The following ATF1 variants were observed in gnomAD, a reference collection of about 807,000 sequenced individuals.
ATF1 encodes the protein activating transcription factor 1.
ATF1 carries 16 observed loss-of-function variants against 34.7 expected under a neutral mutation model. That is an observed-to-expected ratio of 0.46 (90% CI 0.31 to 0.70). The LOEUF is 0.70. Ranked by LOEUF, ATF1 falls within the 30% of genes least tolerant of loss-of-function variation. The probability of loss-of-function intolerance (pLI) is 0.05; values close to 1 mark genes in which losing one functional copy is unlikely to be tolerated. For synonymous variants in ATF1, 105 were observed against 113.1 expected, an observed-to-expected ratio of 0.93 and a Z score of 0.46; for missense variants, 255 against 321.6, an observed-to-expected ratio of 0.79 and a Z score of 1.58.
chr12:50,797,827 G>C (rs575723665), intron 3 of ATF1, among the ~76,000 whole-genome samples: 37 of 152,228 alleles, frequency 2.4e-4, no homozygotes, highest in Middle Eastern at 6.8e-3. Flanking sequence ...TGTGCCTACT[G>C]AACAGTCTTT....
At chr12:50,785,379 G>A (rs1285948345) in intron 2 of ATF1, among the ~76,000 whole-genome samples, 2 of 150,096 alleles carry the variant, frequency 1.3e-5, no homozygotes, top group Non-Finnish European at 2.9e-5. Flanking sequence ...GATGGACAAT[G>A]CTGGATGATG....
At chr12:50,780,288 T>A (rs770636828) in intron 2 of ATF1, 50 bp downstream of exon 2, 2 of 1,429,372 alleles carry the variant, frequency 1.4e-6, no homozygotes, top group Admixed American at 3.6e-5. Context: ...ATATTTTATA[T>A]GCAGATTAAT....
At chr12:50,810,632 C>T (rs1405163155) in intron 4 of ATF1, among the ~76,000 whole-genome samples, 1 of 152,144 alleles carries the variant, frequency 6.6e-6, no homozygotes, top group East Asian at 1.9e-4. Context: ...TATAACACCG[C>T]CAATCAAGAT....
intron 3 of ATF1, among the ~76,000 whole-genome samples, chr12:50,802,843 G>GC (rs957480845): frequency 8.7e-6 from 1 of 114,768 alleles, no homozygotes; most frequent in Non-Finnish European, 1.6e-5. Flanking sequence ...CTGTACTCCA[G>GC]CCTGGGTATC....
In ATF1 at chr12:50,820,465, T is replaced by C. The variant is rs1234777434; in HGVS notation, c.*686T>C. 1 of 182,952 alleles carries C rather than the reference T, an allele frequency of 5.5e-6. No homozygotes were observed. The highest frequency in any genetic ancestry group is 2.3e-5 in the African/African-American group (1 of 42,576). 11.3% of individuals were successfully genotyped at this position (182,952 alleles called of 1,614,324 possible). A position where few individuals can be genotyped will look rare whatever the true frequency, so the allele number is the denominator to read the frequency against. ...AATGGAAAAAGAACTGTTTAAAAGT[T>C]TGATACTTTTAAATAGTTGGTTTTT... On this transcript the variant is annotated 3_prime_UTR_variant, in exon 7 of 7. Coordinates refer to ENST00000262053, the MANE Select transcript of ATF1 (RefSeq NM_005171.5).
chr12:50,807,108 G>T (rs764726797), intron 3 of ATF1, among the ~76,000 whole-genome samples: 8 of 152,150 alleles, frequency 5.3e-5, no homozygotes, highest in Non-Finnish European at 1.2e-4. Flanking sequence ...CATGGATATA[G>T]AATTGGGATT....
chr12:50,792,293 G>A (rs1235678797), intron 2 of ATF1, among the ~76,000 whole-genome samples: 1 of 152,170 alleles, frequency 6.6e-6, no homozygotes, highest in Admixed American at 6.5e-5. Context: ...TTAATGATGC[G>A]ATTAAATATA....
Position 50,814,086 on chromosome 12 carries a change from C to G in ATF1, c.405C>G (p.Thr135=). The change falls in exon 5 of 7, where the codon ACC becomes ACG. Residue 135 remains threonine (T), a synonymous_variant. Transcript: ENST00000262053. The stretch of plus-strand genomic sequence containing the variant: ...GAGTACAGGGACTTCAGACATTAAC[C>G]ATGACAAATTCAGGCAGTACTCAGC... ...TDGVQGLQTL[T]MTNSGSTQQG... is the part of the protein sequence containing the mutation. 1 of 1,614,150 alleles carries G rather than the reference C, an allele frequency of 6.2e-7. No homozygotes were observed. Among genetic ancestry groups the G allele is most frequent in the Non-Finnish European group, 8.5e-7 (1 of 1,180,022 alleles).
chr12:50,772,148 G>A (rs1940787533), intron 1 of ATF1, among the ~76,000 whole-genome samples: 1 of 152,070 alleles, frequency 6.6e-6, no homozygotes, highest in South Asian at 2.1e-4. Context: ...ACCCTGTCCT[G>A]TAACAATAGC....
intron 4 of ATF1, among the ~76,000 whole-genome samples, chr12:50,811,658 T>C (rs1334085675): frequency 7.0e-6 from 1 of 143,840 alleles, no homozygotes; most frequent in Non-Finnish European, 1.5e-5. Flanking sequence ...AAGCCGGGCA[T>C]CATGGCATGT....
chr12:50,807,804 T>TTTTTTTG (rs1941646356), intron 3 of ATF1, among the ~76,000 whole-genome samples: 2 of 69,244 alleles, frequency 2.9e-5, no homozygotes, highest in Non-Finnish European at 5.5e-5. Context: ...GTGTGTGTGT[T>TTTTTTTG]TTTTTTTTGT....
At chr12:50,781,842 G>A (rs1941069317) in intron 2 of ATF1, among the ~76,000 whole-genome samples, 1 of 151,426 alleles carries the variant, frequency 6.6e-6, no homozygotes, top group Admixed American at 6.6e-5. Flanking sequence ...TTGAGCCCAG[G>A]AGTTCAAGGC....
chr12:50,781,335 A>G (rs115642301), intron 2 of ATF1, among the ~76,000 whole-genome samples: 299 of 152,284 alleles, frequency 2.0e-3, no homozygotes, highest in African/African-American at 7.0e-3. Flanking sequence ...AGTATAGAGA[A>G]ATTTTTTTTC....
At chr12:50,789,359 T>C (rs756374587) in intron 2 of ATF1, among the ~76,000 whole-genome samples, 3 of 152,150 alleles carry the variant, frequency 2.0e-5, no homozygotes, top group Non-Finnish European at 4.4e-5. Flanking sequence ...CCACCATGCC[T>C]GGCCTGTTTA....
At chr12:50,813,966 T>A in intron 4 of ATF1, 44 bp from the exon 5 acceptor site, 1 of 1,552,876 alleles carries the variant, frequency 6.4e-7, no homozygotes, top group East Asian at 2.2e-5. Flanking sequence ...TGAATTAGTG[T>A]ATTATATAAC....
intron 1 of ATF1, among the ~76,000 whole-genome samples, chr12:50,775,369 TCTTA>T (rs1291810913): frequency 1.3e-5 from 2 of 152,116 alleles, no homozygotes; most frequent in Admixed American, 1.3e-4. Flanking sequence ...TAGGAATGTA[TCTTA>T]CTTTTCTGAA....
intron 2 of ATF1, among the ~76,000 whole-genome samples, chr12:50,781,091 G>A (rs1941050832): frequency 1.3e-5 from 2 of 152,026 alleles, no homozygotes; most frequent in South Asian, 2.1e-4. Flanking sequence ...TCTTTTAAAC[G>A]AAGTATATAG....
chr12:50,781,791 C>T (rs1428143275), intron 2 of ATF1, among the ~76,000 whole-genome samples: 1 of 151,906 alleles, frequency 6.6e-6, no homozygotes, highest in Non-Finnish European at 1.5e-5. Flanking sequence ...GGCACTACAA[C>T]ACCTGTAGTA....
At chr12:50,790,379 A>T (rs1337228982) in intron 2 of ATF1, among the ~76,000 whole-genome samples, 1 of 151,706 alleles carries the variant, frequency 6.6e-6, no homozygotes, top group Non-Finnish European at 1.5e-5. Context: ...TAATTTTTGT[A>T]TTTTTTGTAG....
Sources: allele counts gnomAD v4.1 joint callset (sites outside exome capture counted in the v4.1 genomes callset), GRCh38; gene constraint gnomAD v4.1.1; transcripts MANE v1.5; gene names NCBI Gene and HGNC (gene_info 2026-07-23, HGNC 2026-07-21).